Variants in RARB observed in about 807,000 individuals in gnomAD.
The protein encoded by RARB is retinoic acid receptor beta.
A neutral mutation model predicts 51.9 loss-of-function variants in RARB; 17 were observed. The ratio of observed to expected loss-of-function variants is 0.33; its 90% CI spans 0.22 to 0.49. RARB has a LOEUF of 0.49. Ranked by LOEUF, RARB falls within the 20% of genes least tolerant of loss-of-function variation. RARB has a pLI of 0.99. For missense variants in RARB, 369 were observed against 550.8 expected, an observed-to-expected ratio of 0.67 and a Z score of 3.30; for synonymous variants, 215 against 195.4, an observed-to-expected ratio of 1.10 and a Z score of -0.84.
At chr3:25,229,169 T>C (rs1449884821) in intron 5 of RARB, among the ~76,000 whole-genome samples, 1 of 152,144 alleles carries the variant, frequency 6.6e-6, no homozygotes, top group Non-Finnish European at 1.5e-5. Flanking sequence ...TTGGAGCAAA[T>C]GTTGCTGTTT....
Position 25,291,282 on chromosome 3 carries a change from G to A in RARB, c.178+116707G>A, listed in dbSNP as rs6800375. ...ATCAGTTCGAGTTCAAGCATGGAAC[G>A]CTGTGCATTCTGTAAAATAATGTAA... On this transcript the variant is annotated intron_variant, in intron 5 of 11. Transcript: ENST00000383772. Among the ~76,000 whole-genome samples, 456 of 152,242 alleles carry A rather than the reference G, an allele frequency of 3.0e-3. 2 individuals are homozygous for A. The highest frequency in any genetic ancestry group is 0.01 in the African/African-American group (418 of 41,540).
intron 5 of RARB, among the ~76,000 whole-genome samples, chr3:25,323,262 G>C (rs762003542): frequency 6.6e-6 from 1 of 152,196 alleles, no homozygotes. Context: ...GACCAGCTCA[G>C]AATGAGGGGA....
At chr3:25,351,574 C>G (rs891848199) in intron 5 of RARB, among the ~76,000 whole-genome samples, 2 of 152,136 alleles carry the variant, frequency 1.3e-5, no homozygotes, top group African/African-American at 4.8e-5. Flanking sequence ...TGGCTCTGTG[C>G]AAAGTGGTCC....
At chr3:25,113,535 T>G (rs1699637548) in intron 3 of RARB, among the ~76,000 whole-genome samples, 1 of 152,024 alleles carries the variant, frequency 6.6e-6, no homozygotes, top group Non-Finnish European at 1.5e-5. Flanking sequence ...AGAGAAAAAT[T>G]GTAATTCCTT....
intron 2 of RARB, among the ~76,000 whole-genome samples, chr3:25,471,428 T>A (rs572141562): frequency 6.6e-6 from 1 of 152,270 alleles, no homozygotes; most frequent in South Asian, 2.1e-4. Context: ...TTCCTAGTAA[T>A]AATTCCTACG....
Position 25,260,695 on chromosome 3 carries a change from G to A in RARB, c.178+86120G>A, listed in dbSNP as rs560373235. 1.6e-4 allele frequency among the ~76,000 whole-genome samples: 25 copies of A among 152,172 alleles called. No homozygotes were observed. In the South Asian group the frequency reaches 3.5e-3, roughly 21 times the overall value. On this transcript the variant is annotated intron_variant, in intron 5 of 11. Coordinates refer to the RARB transcript ENST00000383772. ...CAGATGAGAGATGTCATCTGCAGCCGCCTGTGTTCAGTTGAAGATTAACTT... is the reference window on the plus strand; with the variant it reads ...CAGATGAGAGATGTCATCTGCAGCCACCTGTGTTCAGTTGAAGATTAACTT...
At chr3:25,407,740 C>A (rs1392577919) in intron 5 of RARB, among the ~76,000 whole-genome samples, 1 of 142,934 alleles carries the variant, frequency 7.0e-6, no homozygotes, top group African/African-American at 2.6e-5. Context: ...TGAATACTTT[C>A]AGTTCTCTGC....
At chr3:25,130,134 A>C (rs2062483) in intron 3 of RARB, among the ~76,000 whole-genome samples, 84,592 of 151,834 alleles carry the variant, frequency 0.56, 23,857 homozygotes, top group East Asian at 0.69. Context: ...GGAACATGAC[A>C]GGCCTCTTTT....
intron 2 of RARB, among the ~76,000 whole-genome samples, chr3:24,943,135 T>G (rs569011832): frequency 1.7e-4 from 26 of 152,310 alleles, no homozygotes; most frequent in African/African-American, 5.8e-4. Flanking sequence ...AATCAGACTA[T>G]GTAAGGGATA....
intron 3 of RARB, among the ~76,000 whole-genome samples, chr3:25,065,932 A>AT (rs536263328): frequency 4.7e-4 from 71 of 150,602 alleles, no homozygotes; most frequent in Admixed American, 7.3e-4. Flanking sequence ...AAAAATGAAG[A>AT]TTTTTTTTTT....
intron 2 of RARB, among the ~76,000 whole-genome samples, chr3:24,944,498 A>G (rs955036182): frequency 6.6e-6 from 1 of 152,202 alleles, no homozygotes; most frequent in African/African-American, 2.4e-5. Context: ...ACTAAGTCTA[A>G]GGGAGATTAA....
intron 5 of RARB, among the ~76,000 whole-genome samples, chr3:25,246,297 C>G (rs1702559684): frequency 6.6e-6 from 1 of 152,016 alleles, no homozygotes; most frequent in Admixed American, 6.6e-5. Flanking sequence ...TTTGTTATTA[C>G]CCATCTTCTG....
chr3:25,158,964 A>G (rs913134805), intron 4 of RARB, among the ~76,000 whole-genome samples: 2 of 152,072 alleles, frequency 1.3e-5, no homozygotes, highest in African/African-American at 4.8e-5. Context: ...AGTGGCAGAC[A>G]TCACATCACC....
Position 25,257,176 on chromosome 3 carries a change from T to G in RARB, c.178+82601T>G, listed in dbSNP as rs115296799. ...TTCAGCATGACTCAGTAATGTGGTA[T>G]GTCTGCTTGGTGACTTAATTTGATG... On this transcript the variant is annotated intron_variant, in intron 5 of 11. Transcript: ENST00000383772. Among the ~76,000 whole-genome samples the G allele has an allele frequency of 2.3e-3, 348 of 152,226 alleles. 2 individuals are homozygous for G. Among genetic ancestry groups the G allele is most frequent in the African/African-American group, 8.1e-3 (335 of 41,556 alleles).
chr3:25,093,590 A>G (rs1357229201), intron 3 of RARB, among the ~76,000 whole-genome samples: 1 of 152,164 alleles, frequency 6.6e-6, no homozygotes, highest in African/African-American at 2.4e-5. Context: ...GTAGACATAA[A>G]CAATTACCTG....
rs1351397012 is a variant in RARB, at chr3:25,261,807, T to C, written c.178+87232T>C. ...TCTTTCTTTACCTTCATGCCTTACA[T>C]CCCAGCCATCACTAATGCCTGCTTG... On this transcript the variant is annotated intron_variant, in intron 5 of 11. Coordinates refer to the RARB transcript ENST00000383772. Among the ~76,000 whole-genome samples, 3 of 152,154 alleles carry C rather than the reference T, an allele frequency of 2.0e-5. No individual in the cohort carries two copies. In the East Asian group the frequency reaches 5.8e-4, roughly 29 times the overall value.
intron 5 of RARB, among the ~76,000 whole-genome samples, chr3:25,185,845 TTGA>T (rs780842796): frequency 5.3e-5 from 8 of 152,178 alleles, no homozygotes; most frequent in Non-Finnish European, 8.8e-5. Flanking sequence ...TATGCCACTA[TTGA>T]TGATAATATT....
chr3:25,297,586 T>C (rs1473736537), intron 5 of RARB, among the ~76,000 whole-genome samples: 1 of 152,110 alleles, frequency 6.6e-6, no homozygotes, highest in Non-Finnish European at 1.5e-5. Flanking sequence ...ACCTAATTCA[T>C]AAAGAAAAGC....
At chr3:25,216,968 T>C (rs1279789917) in intron 5 of RARB, among the ~76,000 whole-genome samples, 1 of 152,112 alleles carries the variant, frequency 6.6e-6, no homozygotes, top group Non-Finnish European at 1.5e-5. Flanking sequence ...TAGTTGGATC[T>C]AGAGACTTAA....
Sources: gnomAD v4.1 joint callset for allele counts (sites outside exome capture counted in the v4.1 genomes callset) on GRCh38, gnomAD v4.1.1 for gene constraint, MANE v1.5 for transcripts, NCBI Gene and HGNC (gene_info 2026-07-23, HGNC 2026-07-21) for gene names.